The following AGBL4 variants were observed in gnomAD, a reference collection of about 807,000 sequenced individuals.
The protein encoded by AGBL4 is AGBL carboxypeptidase 4, also known as cytosolic carboxypeptidase 6.
In AGBL4, 58 loss-of-function variants were observed where a neutral mutation model predicts 66.4. The ratio of observed to expected loss-of-function variants is 0.87; its 90% confidence interval spans 0.71 to 1.09. The LOEUF is 1.09. Among genes scored for constraint, AGBL4 ranks in the 50% least tolerant of loss-of-function variants. The probability of loss-of-function intolerance (pLI) is 0.00; values close to 1 mark genes in which losing one functional copy is unlikely to be tolerated. For synonymous variants in AGBL4, 234 were observed against 222.9 expected, an observed-to-expected ratio of 1.05 and a Z score of -0.44; for missense variants, 579 against 631.0, an observed-to-expected ratio of 0.92 and a Z score of 0.88.
chr1:49,595,027 C>T (rs1257304093), intron 3 of AGBL4, among the ~76,000 whole-genome samples: 2 of 152,160 alleles, frequency 1.3e-5, no homozygotes, highest in East Asian at 3.9e-4. Context: ...TCCTCACCAG[C>T]AACTGTTTTT....
At chr1:49,416,632 T>C (rs1164708872) in intron 3 of AGBL4, among the ~76,000 whole-genome samples, 1 of 152,180 alleles carries the variant, frequency 6.6e-6, no homozygotes, top group Non-Finnish European at 1.5e-5. Flanking sequence ...TGTGATACTT[T>C]GGGCAAGTCA....
At chr1:48,980,344 G>A (rs1006346115) in intron 5 of AGBL4, among the ~76,000 whole-genome samples, 5 of 152,060 alleles carry the variant, frequency 3.3e-5, no homozygotes, top group African/African-American at 4.8e-5. Context: ...AAATTGGCTT[G>A]ATGCTCAATA....
At chr1:49,840,226 C>T (rs984596938) in intron 2 of AGBL4, among the ~76,000 whole-genome samples, 2 of 152,082 alleles carry the variant, frequency 1.3e-5, no homozygotes, top group Non-Finnish European at 2.9e-5. Flanking sequence ...GGAATTTAAC[C>T]ATTTACTCTG....
intron 1 of AGBL4, among the ~76,000 whole-genome samples, chr1:49,853,662 A>G (rs1267995156): frequency 6.6e-6 from 1 of 152,116 alleles, no homozygotes; most frequent in Non-Finnish European, 1.5e-5. Context: ...GAGAATAAAT[A>G]TATTATTAAA....
downstream of AGBL4, among the ~76,000 whole-genome samples, chr1:48,531,565 G>T (rs1256376665): frequency 6.6e-6 from 1 of 152,124 alleles, no homozygotes; most frequent in African/African-American, 2.4e-5. Flanking sequence ...TCACTAGAAG[G>T]TTTTCCTCAT....
intron 3 of AGBL4, among the ~76,000 whole-genome samples, chr1:49,294,283 G>C (rs1644599235): frequency 6.6e-6 from 1 of 152,084 alleles, no homozygotes. Flanking sequence ...TTGGTTTTTG[G>C]AAACTTCAGA....
intron 3 of AGBL4, among the ~76,000 whole-genome samples, chr1:49,329,341 C>G (rs916919472): frequency 2.6e-5 from 4 of 151,782 alleles, no homozygotes; most frequent in African/African-American, 7.3e-5. Flanking sequence ...TCTAAGCTGT[C>G]TAAGCTACAG....
At chr1:49,451,933 CA>C (rs1306038010) in intron 3 of AGBL4, among the ~76,000 whole-genome samples, 2 of 151,788 alleles carry the variant, frequency 1.3e-5, no homozygotes, top group Non-Finnish European at 2.9e-5. Flanking sequence ...CAAGTGAGTG[CA>C]AAAAAGTATT....
At chr1:49,207,828 T>C (rs1648362485) in intron 4 of AGBL4, among the ~76,000 whole-genome samples, 1 of 151,900 alleles carries the variant, frequency 6.6e-6, no homozygotes, top group Admixed American at 6.6e-5. Flanking sequence ...GCTTAAGCGA[T>C]CCTCCCACCT....
At chr1:49,739,715 T>C (rs993586099) in intron 2 of AGBL4, among the ~76,000 whole-genome samples, 6 of 152,142 alleles carry the variant, frequency 3.9e-5, no homozygotes, top group African/African-American at 7.2e-5. Flanking sequence ...CGGCAGAAAC[T>C]CTACAAGCCA....
intron 2 of AGBL4, among the ~76,000 whole-genome samples, chr1:49,711,436 A>G (rs771950503): frequency 7.9e-5 from 12 of 152,124 alleles, no homozygotes; most frequent in Non-Finnish European, 1.8e-4. Flanking sequence ...TACATACAAC[A>G]TGGATCAATC....
chr1:48,614,388 G>A (rs1645286024), intron 9 of AGBL4, among the ~76,000 whole-genome samples: 1 of 152,164 alleles, frequency 6.6e-6, no homozygotes, highest in South Asian at 2.1e-4. Context: ...CTTTCCTTCT[G>A]GCTCCAAGGG....
chr1:48,867,303 G>A, intron 5 of AGBL4, 73 bp from the exon 6 acceptor site: 1 of 1,443,490 alleles, frequency 6.9e-7, no homozygotes, highest in Non-Finnish European at 9.7e-7. Context: ...GGTCAGGGCG[G>A]ACAAGCAAAG....
chr1:49,308,275 A>G (rs1375033108), intron 3 of AGBL4, among the ~76,000 whole-genome samples: 1 of 152,166 alleles, frequency 6.6e-6, no homozygotes, highest in East Asian at 1.9e-4. Context: ...CAAACAGAGT[A>G]GTTTAAATGT....
intron 3 of AGBL4, among the ~76,000 whole-genome samples, chr1:49,292,229 A>G (rs1388223027): frequency 1.3e-5 from 2 of 152,174 alleles, no homozygotes; most frequent in Non-Finnish European, 2.9e-5. Context: ...CAACAAGCAT[A>G]GGAAGGAAGC....
At chr1:49,690,255 G>A (rs929448621) in intron 3 of AGBL4, among the ~76,000 whole-genome samples, 1 of 152,142 alleles carries the variant, frequency 6.6e-6, no homozygotes, top group African/African-American at 2.4e-5. Flanking sequence ...AAAAATTCAT[G>A]TGACTCACTT....
intron 3 of AGBL4, among the ~76,000 whole-genome samples, chr1:49,511,589 AAAACTT>A (rs1296607180): frequency 6.6e-6 from 1 of 151,814 alleles, no homozygotes; most frequent in Non-Finnish European, 1.5e-5. Flanking sequence ...CATGTACCCT[AAAACTT>A]AAAGTATAAT....
At chr1:48,904,318 G>A (rs1652378326) in intron 5 of AGBL4, among the ~76,000 whole-genome samples, 1 of 152,096 alleles carries the variant, frequency 6.6e-6, no homozygotes, top group Non-Finnish European at 1.5e-5. Flanking sequence ...TTACTGCTTG[G>A]CTAATTAGTT....
chr1:49,478,120 G>A (rs2148722083), intron 3 of AGBL4, among the ~76,000 whole-genome samples: 1 of 151,968 alleles, frequency 6.6e-6, no homozygotes, highest in South Asian at 2.1e-4. Context: ...GGCTTAAAGA[G>A]GAGGTAGAGA....
Sources: allele counts gnomAD v4.1 joint callset (sites outside exome capture counted in the v4.1 genomes callset), GRCh38; gene constraint gnomAD v4.1.1; transcripts MANE v1.5; gene names NCBI Gene and HGNC (gene_info 2026-07-23, HGNC 2026-07-21).